Variants in ELOVL6 observed in about 807,000 individuals in gnomAD.
The protein encoded by ELOVL6 is ELOVL fatty acid elongase 6.
A neutral mutation model predicts 31.7 loss-of-function variants in ELOVL6; 8 were observed. The ratio of observed to expected loss-of-function variants is 0.25; its 90% CI spans 0.15 to 0.45. The LOEUF (loss-of-function observed/expected upper bound fraction) is 0.45. Ranked by LOEUF, ELOVL6 falls within the 20% of genes least tolerant of loss-of-function variation. ELOVL6 has a pLI of 1.00. For missense variants in ELOVL6, 126 were observed against 326.4 expected, an observed-to-expected ratio of 0.39 and a Z score of 4.73; for synonymous variants, 101 against 117.7, an observed-to-expected ratio of 0.86 and a Z score of 0.92.
intron 1 of ELOVL6, among the ~76,000 whole-genome samples, chr4:110,184,578 T>C (rs1759386032): frequency 6.6e-6 from 1 of 152,114 alleles, no homozygotes; most frequent in Non-Finnish European, 1.5e-5. Flanking sequence ...CAAGATCAGA[T>C]CAGTGACTCA....
intron 1 of ELOVL6, among the ~76,000 whole-genome samples, chr4:110,120,662 G>A (rs1289616015): frequency 6.6e-6 from 1 of 151,892 alleles, no homozygotes; most frequent in Admixed American, 6.6e-5. Flanking sequence ...CTATATTCTA[G>A]GTACTGATGG....
intron 2 of ELOVL6, among the ~76,000 whole-genome samples, chr4:110,090,566 G>A (rs1219126010): frequency 6.7e-6 from 1 of 149,254 alleles, no homozygotes; most frequent in Non-Finnish European, 1.5e-5. Context: ...ACAAGAGGTA[G>A]GCCTTCCAGG....
At chr4:110,135,126 TA>T (rs1418572505) in intron 1 of ELOVL6, among the ~76,000 whole-genome samples, 1 of 152,192 alleles carries the variant, frequency 6.6e-6, no homozygotes, top group Non-Finnish European at 1.5e-5. Context: ...TGGTTGACGA[TA>T]AGAGAATCAC....
chr4:110,197,374 G>A (rs935442599), intron 1 of ELOVL6, among the ~76,000 whole-genome samples: 2 of 152,210 alleles, frequency 1.3e-5, no homozygotes, highest in South Asian at 2.1e-4. Flanking sequence ...CTGGCGGGGG[G>A]ACTACAGTAA....
intron 1 of ELOVL6, among the ~76,000 whole-genome samples, chr4:110,171,272 G>C (rs1758934885): frequency 6.6e-6 from 1 of 152,052 alleles, no homozygotes; most frequent in Non-Finnish European, 1.5e-5. Context: ...AGCTGGGTGT[G>C]GTGGTTGATG....
chr4:110,138,801 A>T (rs1364202272), intron 1 of ELOVL6, among the ~76,000 whole-genome samples: 1 of 152,172 alleles, frequency 6.6e-6, no homozygotes, highest in African/African-American at 2.4e-5. Flanking sequence ...TGTGGTTTCC[A>T]TCAGCCACAA....
rs1365406666 is a variant in ELOVL6, at chr4:110,049,535, A to G, written c.*1803T>C. 2 of 152,450 alleles carry G rather than the reference A, an allele frequency of 1.3e-5. No individual in the cohort carries two copies. The highest frequency in any genetic ancestry group is 2.9e-5 in the Non-Finnish European group (2 of 68,036). 9.4% of individuals were successfully genotyped at this position (152,450 alleles called of 1,614,324 possible). A position where few individuals can be genotyped will look rare whatever the true frequency, so the allele number is the denominator to read the frequency against. ...CTAAAATAATATAAAAATAATTCGA[A>G]AAAATCCCTTTTACTGTACACTCTC... On this transcript the variant is annotated 3_prime_UTR_variant, in exon 4 of 4. Coordinates refer to ENST00000302274, the MANE Select transcript of ELOVL6 (RefSeq NM_024090.3).
chr4:110,151,249 A>G (rs1298136165), intron 1 of ELOVL6, among the ~76,000 whole-genome samples: 1 of 151,410 alleles, frequency 6.6e-6, no homozygotes, highest in Non-Finnish European at 1.5e-5. Flanking sequence ...GAATATTTAT[A>G]TATACATAAT....
At chr4:110,065,128 T>G (rs1755263296) in intron 2 of ELOVL6, among the ~76,000 whole-genome samples, 1 of 152,162 alleles carries the variant, frequency 6.6e-6, no homozygotes, top group Non-Finnish European at 1.5e-5. Flanking sequence ...ATAGAAACAG[T>G]GGCACTGAAG....
At chr4:110,087,673 A>C (rs868421680) in intron 2 of ELOVL6, among the ~76,000 whole-genome samples, 16 of 152,194 alleles carry the variant, frequency 1.1e-4, no homozygotes, top group African/African-American at 3.6e-4. Flanking sequence ...CAGTAGAGAC[A>C]CTGGCCCTTA....
chr4:110,090,386 C>T (rs1197689308), intron 2 of ELOVL6, among the ~76,000 whole-genome samples: 1 of 152,086 alleles, frequency 6.6e-6, no homozygotes, highest in East Asian at 1.9e-4. Flanking sequence ...ACCCTCTATT[C>T]ATATTTTTGT....
chr4:110,139,006 G>T (rs1050588448), intron 1 of ELOVL6, among the ~76,000 whole-genome samples: 1 of 151,966 alleles, frequency 6.6e-6, no homozygotes, highest in African/African-American at 2.4e-5. Flanking sequence ...TGTGTCTCTG[G>T]TATAGAAAAA....
chr4:110,135,099 T>C (rs1173255835), intron 1 of ELOVL6, among the ~76,000 whole-genome samples: 1 of 152,218 alleles, frequency 6.6e-6, no homozygotes, highest in Non-Finnish European at 1.5e-5. Context: ...TCTTCCTTTA[T>C]TATGTGGATG....
intron 1 of ELOVL6, among the ~76,000 whole-genome samples, chr4:110,123,150 G>A (rs1757400283): frequency 6.6e-6 from 1 of 151,980 alleles, no homozygotes. Flanking sequence ...CTTGTGTTTT[G>A]GACATACTTT....
intron 1 of ELOVL6, among the ~76,000 whole-genome samples, chr4:110,186,822 A>AATATATATATAT (rs1284269627): frequency 1.7e-5 from 1 of 59,416 alleles, no homozygotes; most frequent in Non-Finnish European, 3.1e-5. Context: ...AAAAAAAAAA[A>AATATATATATAT]ATATATATAT....
chr4:110,108,345 T>C (rs1560826146), intron 1 of ELOVL6, among the ~76,000 whole-genome samples: 1 of 152,234 alleles, frequency 6.6e-6, no homozygotes, highest in Non-Finnish European at 1.5e-5. Context: ...CCTATCATTC[T>C]AGCCATAAAG....
In ELOVL6 at chr4:110,046,568, CAA is replaced by C. The variant is rs1754702648; in HGVS notation, c.*4768_*4769del. 1.3e-5 allele frequency: 2 copies of C among 152,254 alleles called. No individual in the cohort carries two copies. Among genetic ancestry groups the C allele is most frequent in the Admixed American group, 1.3e-4 (2 of 15,286 alleles). 9.4% of individuals were successfully genotyped at this position (152,254 alleles called of 1,614,324 possible). On this transcript the variant is annotated 3_prime_UTR_variant, in exon 4 of 4. Transcript: ENST00000302274. ...CTGCCATCTGTGAGCTCTGAATTGT[CAA>C]AGTCTCTGAGGATGAGGAAAGTAAC...
intron 1 of ELOVL6, among the ~76,000 whole-genome samples, chr4:110,126,505 C>T (rs565934616): frequency 1.3e-5 from 2 of 152,256 alleles, no homozygotes; most frequent in Admixed American, 1.3e-4. Context: ...AAATTTGATG[C>T]CAGTTTCCTC....
At chr4:110,192,746 A>C (rs372455499) in intron 1 of ELOVL6, among the ~76,000 whole-genome samples, 1 of 152,196 alleles carries the variant, frequency 6.6e-6, no homozygotes, top group African/African-American at 2.4e-5. Flanking sequence ...CACAGATTAC[A>C]CGTTTTTTCT....
Sources: gnomAD v4.1 joint callset for allele counts (sites outside exome capture counted in the v4.1 genomes callset) on GRCh38, gnomAD v4.1.1 for gene constraint, MANE v1.5 for transcripts, NCBI Gene and HGNC (gene_info 2026-07-23, HGNC 2026-07-21) for gene names.